TASOR2: variants seen among roughly 807,000 people sequenced by gnomAD.
The protein encoded by TASOR2 is protein TASOR 2.
TASOR2 carries 84 observed loss-of-function variants against 199.5 expected under a neutral mutation model. That is an observed-to-expected ratio of 0.42 (90% CI 0.35 to 0.50). The LOEUF (loss-of-function observed/expected upper bound fraction) is 0.50, where lower values mean the gene tolerates loss of function less well. TASOR2 is among the 20% of genes least tolerant of loss of function. The pLI is 0.02. For missense variants in TASOR2, 2,796 were observed against 2,835.9 expected (o/e 0.99, Z 0.32); for synonymous variants, 1,103 against 1,046.6 (o/e 1.05, Z -1.04).
intron 11 of TASOR2, among the ~76,000 whole-genome samples, chr10:5,734,559 T>C (rs1395647213): frequency 1.3e-5 from 2 of 152,156 alleles, no homozygotes; most frequent in Non-Finnish European, 2.9e-5. Flanking sequence ...TATATTGCTG[T>C]CTATACAACT....
chr10:5,720,278 T>C lies in TASOR2; in HGVS notation c.-99-266T>C. On this transcript the variant is annotated intron_variant, in intron 3 of 20. Coordinates refer to ENST00000328090, the Ensembl canonical transcript of TASOR2. The surrounding 1 kb of genome is among the most constrained non-coding windows in gnomAD (Gnocchi z 5.3). ...ATTCTAGGGAAAAGTCAAGTTTGTG[T>C]CTGAGAATTATACAACTAACTATAC... is the stretch of plus-strand genomic sequence containing the variant. 1 of 985,420 alleles carries C rather than the reference T, an allele frequency of 1.0e-6. No individual in the cohort carries two copies. The highest frequency in any genetic ancestry group is 1.2e-6 in the Non-Finnish European group (1 of 829,894). The allele number at this position is 985,420 out of a possible 1,614,324, so 61.0% of individuals were successfully genotyped here.
intron 1 of TASOR2, among the ~76,000 whole-genome samples, chr10:5,708,164 C>A (rs1398157955): frequency 1.3e-5 from 2 of 152,276 alleles, no homozygotes; most frequent in East Asian, 3.9e-4. Context: ...ACTTGACCAC[C>A]TTTGTAATCT....
In TASOR2 at chr10:5,742,363, A is replaced by G; in HGVS notation, c.2594A>G (p.Glu865Gly). The change falls in exon 14 of 21, where the codon GAA becomes GGA. Residue 865 changes from glutamate (E) to glycine (G), a missense_variant. By Grantham distance (98) the Glu-to-Gly change is moderately conservative. Around this residue, in one of 3 missense-constraint regions of TASOR2, gnomAD observed 1,941 missense variants for 1,924.9 expected, o/e 1.01. Transcript: ENST00000328090. This position sits in a 1 kb window ranked among gnomAD's most constrained non-coding sequence, Gnocchi z 4.2. ...GAAATTTCCAGGGCTCATGCTGCTG[A>G]AGTATCCTTCCGTGATCCTAACTGC... 6.2e-7 allele frequency: 1 copy of G among 1,614,152 alleles called. No individual in the cohort carries two copies. Among genetic ancestry groups the G allele is most frequent in the South Asian group, 1.1e-5 (1 of 91,076 alleles).
At chr10:5,762,035 G>C (rs1839930792) in intron 19 of TASOR2, among the ~76,000 whole-genome samples, 1 of 152,126 alleles carries the variant, frequency 6.6e-6, no homozygotes, top group African/African-American at 2.4e-5. Flanking sequence ...CCAGCACTTT[G>C]GGAGGCTGAA....
rs976280351 is a variant in TASOR2, at chr10:5,685,342, A to G, written c.-288+167A>G. Among the ~76,000 whole-genome samples the G allele has an allele frequency of 9.9e-5, 15 of 151,854 alleles. No homozygotes were observed. The East Asian group carries it at 2.1e-3, about 22-fold the overall frequency. ...GGGGTGGGAGGGGTCGGCGCCTTCT[A>G]GATGACTCAACCTTCTGTCCTGCGC... On this transcript the variant is annotated intron_variant, in intron 1 of 20. Coordinates refer to ENST00000328090, the Ensembl canonical transcript of TASOR2. The surrounding 1 kb of genome is among the most constrained non-coding windows in gnomAD (Gnocchi z 5.4).
At chr10:5,747,980 G>C in exon 15 of TASOR2, 1 of 1,612,298 alleles carries the variant, frequency 6.2e-7, no homozygotes. Flanking sequence ...AAGGTGCAGT[G>C]CTATGGTAGG....
exon 15 of TASOR2, chr10:5,747,185 T>G: frequency 6.2e-7 from 1 of 1,614,056 alleles, no homozygotes; most frequent in Non-Finnish European, 8.5e-7. Flanking sequence ...TTGGAAGCGT[T>G]TGATTCAGTA....
intron 14 of TASOR2, 100 bp from the exon 16 acceptor site, chr10:5,746,079 A>C (rs1837150288): frequency 7.6e-7 from 1 of 1,318,282 alleles, no homozygotes; most frequent in Non-Finnish European, 1.0e-6. Flanking sequence ...CACAAACTAA[A>C]ATTAATTTTT....
chr10:5,723,762 T>G (rs762944149), exon 7 of TASOR2: 1 of 1,601,458 alleles, frequency 6.2e-7, no homozygotes, highest in Non-Finnish European at 8.5e-7. Flanking sequence ...AAAACAGAAT[T>G]ACTTGGAGGA....
Position 5,740,307 on chromosome 10 carries a change from G to T in TASOR2, c.2137G>T (p.Asp713Tyr). The change falls in exon 13 of 21, where the codon GAC becomes TAC. Residue 713 changes from aspartate to tyrosine, a missense_variant. Asp to Tyr is a radical substitution (Grantham distance 160, BLOSUM62 -3). Coordinates refer to ENST00000328090, the Ensembl canonical transcript of TASOR2. This position sits in a 1 kb window ranked among gnomAD's most constrained non-coding sequence, Gnocchi z 5.3. ...TTTGCTTCAGCAAAAGCCTCCTGAC[G>T]ACCCCGTGGTGAAGCCCAAGGATCG... 6.2e-7 allele frequency: 1 copy of T among 1,614,172 alleles called. No homozygotes were observed. Among genetic ancestry groups the T allele is most frequent in the Non-Finnish European group, 8.5e-7 (1 of 1,180,038 alleles).
At position 5,739,080 on chromosome 10, in the gene TASOR2, T is replaced by C. The variant is rs191788159; in HGVS notation, c.1448-538T>C. Among the ~76,000 whole-genome samples, 6 of 152,352 alleles carry C rather than the reference T, an allele frequency of 3.9e-5. No individual in the cohort carries two copies. In the East Asian group the frequency reaches 1.2e-3, roughly 29 times the overall value. On this transcript the variant is annotated intron_variant, in intron 12 of 20. Coordinates refer to ENST00000328090, the Ensembl canonical transcript of TASOR2. ...ATCACATCATGTAATTAAAGATCAATATAGTTAAAATCATTTGAACTTAGG... is the reference window on the plus strand; with the variant it reads ...ATCACATCATGTAATTAAAGATCAACATAGTTAAAATCATTTGAACTTAGG...
At chr10:5,746,558 T>C in exon 15 of TASOR2, 2 of 1,614,192 alleles carry the variant, frequency 1.2e-6, no homozygotes, top group Non-Finnish European at 1.7e-6. Context: ...GGGTGTGCAG[T>C]GATTAACCCG....
intron 7 of TASOR2, 150 bp downstream of exon 8, chr10:5,723,927 T>C: frequency 2.2e-6 from 1 of 461,532 alleles, no homozygotes; most frequent in Non-Finnish European, 3.7e-6. Flanking sequence ...GAGTTACTAT[T>C]TTCTTCAGTT....
intron 11 of TASOR2, among the ~76,000 whole-genome samples, chr10:5,733,181 T>G (rs2131598093): frequency 6.6e-6 from 1 of 152,302 alleles, no homozygotes; most frequent in South Asian, 2.1e-4. Context: ...AAATTATGTG[T>G]AATACAGTCT....
At position 5,724,417 on chromosome 10, in the gene TASOR2, G is replaced by A; in HGVS notation, c.248-13G>A. The A allele has an allele frequency of 7.0e-7, 1 of 1,421,378 alleles. No individual in the cohort carries two copies. The highest frequency in any genetic ancestry group is 1.3e-5 in the South Asian group (1 of 75,234). 88.0% of individuals were successfully genotyped at this position (1,421,378 alleles called of 1,614,324 possible). On this transcript the variant is annotated splice_polypyrimidine_tract_variant and intron_variant, in intron 7 of 20. Coordinates refer to ENST00000328090, the Ensembl canonical transcript of TASOR2. ...ATTAAAAATAAGAAATGTTTTTCTG[G>A]TTTTCTCTACAGTCTGTTTTCAAGA...
At chr10:5,729,727 T>C (rs867618721) in intron 10 of TASOR2, among the ~76,000 whole-genome samples, 1 of 152,162 alleles carries the variant, frequency 6.6e-6, no homozygotes, top group Non-Finnish European at 1.5e-5. Flanking sequence ...TACTAGGCCC[T>C]GAAGGCTGTT....
chr10:5,760,590 T>C (rs1037679811), intron 18 of TASOR2, among the ~76,000 whole-genome samples: 1 of 152,156 alleles, frequency 6.6e-6, no homozygotes, highest in African/African-American at 2.4e-5. Flanking sequence ...AATAGAAGCA[T>C]GTAAAAAGTT....
At chr10:5,736,519 T>C (rs1835630218) in intron 12 of TASOR2, among the ~76,000 whole-genome samples, 1 of 152,046 alleles carries the variant, frequency 6.6e-6, no homozygotes, top group Non-Finnish European at 1.5e-5. Context: ...CCTCCCAAAG[T>C]GTTAGGATTA....
intron 1 of TASOR2, among the ~76,000 whole-genome samples, chr10:5,697,665 A>C (rs1300044980): frequency 6.6e-6 from 1 of 152,144 alleles, no homozygotes; most frequent in Non-Finnish European, 1.5e-5. Flanking sequence ...ACATTTGGAG[A>C]TTAGATAAGG....
Sources: allele counts gnomAD v4.1 joint callset (sites outside exome capture counted in the v4.1 genomes callset), GRCh38; gene constraint gnomAD v4.1.1; regional missense constraint gnomAD v4.1.1; non-coding constraint Gnocchi (gnomAD v3.1); transcripts MANE v1.5; gene names NCBI Gene and HGNC (gene_info 2026-07-23, HGNC 2026-07-21).